UBXN11: variants seen among roughly 807,000 people sequenced by gnomAD.
The protein encoded by UBXN11 is UBX domain-containing protein 11.
In UBXN11, 47 loss-of-function variants were observed where a neutral mutation model predicts 62.8. That is an observed-to-expected ratio of 0.75 (90% CI 0.59 to 0.95). The LOEUF (loss-of-function observed/expected upper bound fraction) is 0.95, where lower values mean the gene tolerates loss of function less well. Among genes scored for constraint, UBXN11 ranks in the 40% least tolerant of loss-of-function variants. The probability of loss-of-function intolerance (pLI) is 0.00; values close to 1 mark genes in which losing one functional copy is unlikely to be tolerated. For missense variants in UBXN11, 638 were observed against 661.7 expected, an observed-to-expected ratio of 0.96 and a Z score of 0.39; for synonymous variants, 294 against 267.0, an observed-to-expected ratio of 1.10 and a Z score of -0.99.
At chr1:26,297,045 C>T (rs1290993736) in intron 6 of UBXN11, 50 bp from the exon 7 acceptor site, 2 of 1,557,004 alleles carry the variant, frequency 1.3e-6, no homozygotes, top group Non-Finnish European at 1.7e-6. Flanking sequence ...AAGACACTGC[C>T]AGGTCACCTC....
intron 5 of UBXN11, 52 bp from the exon 6 acceptor site, chr1:26,297,533 G>A: frequency 6.7e-7 from 1 of 1,491,910 alleles, no homozygotes; most frequent in Non-Finnish European, 8.9e-7. Context: ...CCAGAGCCCT[G>A]CCCAGACAGG....
intron 1 of UBXN11, among the ~76,000 whole-genome samples, chr1:26,312,510 T>C (rs12137238): frequency 0.87 from 132,575 of 151,538 alleles, 58,922 homozygotes; most frequent in Non-Finnish European, 0.93. Context: ...CCTCGGCCTC[T>C]CAAAGTGCTG....
intron 1 of UBXN11, among the ~76,000 whole-genome samples, chr1:26,315,375 A>T (rs2073781731): frequency 2.0e-5 from 3 of 152,156 alleles, no homozygotes; most frequent in Non-Finnish European, 4.4e-5. Context: ...CAGCAGAGTA[A>T]TCTCAGACTT....
At chr1:26,301,150 C>T in intron 3 of UBXN11, 126 bp from the exon 4 acceptor site, 1 of 1,536,716 alleles carries the variant, frequency 6.5e-7, no homozygotes, top group Admixed American at 2.0e-5. Context: ...AGAGAGAATT[C>T]ACAAGGCTGG....
At chr1:26,315,577 C>G (rs1056163583) in intron 1 of UBXN11, among the ~76,000 whole-genome samples, 41 of 152,186 alleles carry the variant, frequency 2.7e-4, no homozygotes, top group Non-Finnish European at 7.3e-5. Flanking sequence ...GCTGGGGACT[C>G]CTCCCTCTTC....
chr1:26,303,519 G>A (rs1207324417), intron 1 of UBXN11, among the ~76,000 whole-genome samples: 9 of 151,208 alleles, frequency 6.0e-5, no homozygotes, highest in South Asian at 2.1e-4. Flanking sequence ...AGCTACTTGG[G>A]AGTCTGAGGC....
Position 26,297,481 on chromosome 1 carries a change from C to G in UBXN11, c.301G>C (p.Asp101His), listed in dbSNP as rs1189014878. 2 of 1,555,194 alleles carry G rather than the reference C, an allele frequency of 1.3e-6. No individual in the cohort carries two copies. Among genetic ancestry groups the G allele is most frequent in the Admixed American group, 3.9e-5 (2 of 51,752 alleles). The change falls in exon 6 of 15, where the codon GAT becomes CAT. Residue 101 changes from aspartate (D) to histidine (H), a missense_variant and splice_region_variant. Transcript: ENST00000374222. Reference protein sequence around the residue: ...KAQTDEILSKDQKIAALEDLV... With the variant: ...KAQTDEILSKHQKIAALEDLV... ...TCCTCTAGGGCCGCTATCTTCTGAT[C>G]CTGTAGCATAAGACACAGGGTGAGC... is the stretch of plus-strand genomic sequence containing the variant.
At chr1:26,309,058 A>G (rs4639748), upstream of UBXN11, among the ~76,000 whole-genome samples, 131,579 of 150,378 alleles carry the variant, frequency 0.87, 58,397 homozygotes, top group Non-Finnish European at 0.93. Flanking sequence ...TCAGCCTCCC[A>G]AGTAGCTGGG....
At chr1:26,294,042 A>T in intron 8 of UBXN11, 163 bp downstream of exon 8, 1 of 1,095,684 alleles carries the variant, frequency 9.1e-7, no homozygotes, top group Non-Finnish European at 1.3e-6. Context: ...ATGGAGGCCA[A>T]GGCTGCTCCC....
chr1:26,301,177 C>G, intron 3 of UBXN11, 153 bp from the exon 4 acceptor site: 5 of 1,422,036 alleles, frequency 3.5e-6, no homozygotes, highest in Non-Finnish European at 4.7e-6. Context: ...AGGATCCAAC[C>G]AGAATGGGGC....
At chr1:26,297,100 G>A (rs990986567) in intron 6 of UBXN11, 105 bp from the exon 7 acceptor site, 2 of 1,333,684 alleles carry the variant, frequency 1.5e-6, no homozygotes, top group East Asian at 2.5e-5. Context: ...GATCCCCCAA[G>A]AACTGCCTCT....
chr1:26,314,955 C>A (rs2073778281), intron 1 of UBXN11, among the ~76,000 whole-genome samples: 1 of 152,104 alleles, frequency 6.6e-6, no homozygotes, highest in Admixed American at 6.6e-5. Flanking sequence ...GTGGCATGCA[C>A]CTGTAGTCCC....
intron 12 of UBXN11, 117 bp from the exon 13 acceptor site, chr1:26,283,054 A>AGG: frequency 7.4e-7 from 1 of 1,347,448 alleles, no homozygotes; most frequent in Non-Finnish European, 1.0e-6. Flanking sequence ...GCAAAGCGGG[A>AGG]GGGGGTGTTC....
chr1:26,312,887 G>T (rs2073756813), intron 1 of UBXN11, among the ~76,000 whole-genome samples: 1 of 140,554 alleles, frequency 7.1e-6, no homozygotes, highest in East Asian at 2.1e-4. Context: ...GCTGAGGCAG[G>T]AGAATCGCTT....
At chr1:26,285,615 G>A in intron 9 of UBXN11, 74 bp from the exon 10 acceptor site, 1 of 1,440,514 alleles carries the variant, frequency 6.9e-7, no homozygotes, top group East Asian at 2.4e-5. Flanking sequence ...GGTCTGGATG[G>A]CAGGCCCTAG....
At chr1:26,282,825 C>T (rs928278007) in intron 13 of UBXN11, 36 bp from the exon 14 acceptor site, 5 of 1,613,922 alleles carry the variant, frequency 3.1e-6, no homozygotes, top group Non-Finnish European at 3.4e-6. Context: ...CGCGGTGACC[C>T]AACGCCCCCA....
Position 26,298,072 on chromosome 1 carries a change from A to G in UBXN11, c.200-10T>C. 1 of 1,611,536 alleles carries G rather than the reference A, an allele frequency of 6.2e-7. No homozygotes were observed. The highest frequency in any genetic ancestry group is 8.5e-7 in the Non-Finnish European group (1 of 1,179,430). ...TCATGGGATGCAGGGACTGCCAAGC[A>G]CACAAAGTCTTTAGAGCCCAGACCT... On this transcript the variant is annotated splice_polypyrimidine_tract_variant and intron_variant, in intron 4 of 14. Coordinates refer to ENST00000374222, the MANE Select transcript of UBXN11 (RefSeq NM_001389556.1).
chr1:26,283,784 G>A (rs1557678940), intron 12 of UBXN11, among the ~76,000 whole-genome samples: 1 of 152,212 alleles, frequency 6.6e-6, no homozygotes, highest in Non-Finnish European at 1.5e-5. Context: ...AGCAGAATAG[G>A]GAGCGAGGAG....
At chr1:26,291,591 C>T (rs1240435784) in intron 8 of UBXN11, among the ~76,000 whole-genome samples, 1 of 152,194 alleles carries the variant, frequency 6.6e-6, no homozygotes, top group East Asian at 1.9e-4. Flanking sequence ...TCCCCCCTGG[C>T]CAGGAGGAAG....
Sources: gnomAD v4.1 joint callset for allele counts (sites outside exome capture counted in the v4.1 genomes callset) on GRCh38, gnomAD v4.1.1 for gene constraint, MANE v1.5 for transcripts, NCBI Gene and HGNC (gene_info 2026-07-23, HGNC 2026-07-21) for gene names.